The following ADGRG5 variants were observed in gnomAD, a reference collection of about 807,000 sequenced individuals.
ADGRG5 encodes the protein G protein-coupled receptor 114.
In ADGRG5, 37 loss-of-function variants were observed where a neutral mutation model predicts 53.2. That is an observed-to-expected ratio of 0.70 (90% CI 0.53 to 0.91). The LOEUF is 0.91. Among genes scored for constraint, ADGRG5 ranks in the 40% least tolerant of loss-of-function variants. The pLI, the probability that ADGRG5 is intolerant of heterozygous loss-of-function variation, is 0.00. For missense variants in ADGRG5, 614 were observed against 675.8 expected (o/e 0.91, Z 1.01); for synonymous variants, 277 against 290.4 (o/e 0.95, Z 0.47).
In ADGRG5 at chr16:57,563,945, T is replaced by C. The variant is rs778507357; in HGVS notation, c.395T>C (p.Ile132Thr). Residue 132 changes from isoleucine to threonine, a missense_variant, in exon 5 of 12, where the codon ATC (isoleucine) becomes ACC (threonine). Transcript: ENST00000349457. ...ACCCGCCCCAGGGAGCTGCGGCTCATCTGTATCTACTTCTCCAACACCCAC... is the reference window on the plus strand; with the variant it reads ...ACCCGCCCCAGGGAGCTGCGGCTCACCTGTATCTACTTCTCCAACACCCAC... The part of the protein sequence containing the change: ...CKTRPRELRL[I>T]CIYFSNTHFF... 8.7e-6 allele frequency: 14 copies of C among 1,614,016 alleles called. No individual in the cohort carries two copies. The Admixed American group carries it at 2.3e-4, about 27-fold the overall frequency.
chr16:57,539,595 G>A (rs935700509), upstream of ADGRG5, among the ~76,000 whole-genome samples: 5 of 151,356 alleles, frequency 3.3e-5, no homozygotes, highest in Admixed American at 1.3e-4. Context: ...TGGATCTACA[G>A]GGGCACGTTA....
intron 8 of ADGRG5, 47 bp downstream of exon 8, chr16:57,567,638 C>T: frequency 6.3e-7 from 1 of 1,594,492 alleles, no homozygotes; most frequent in Non-Finnish European, 8.5e-7. Flanking sequence ...TGTGGCACAT[C>T]ACGCTTCCTT....
intron 1 of ADGRG5, among the ~76,000 whole-genome samples, chr16:57,545,852 G>A (rs2146751576): frequency 6.6e-6 from 1 of 152,210 alleles, no homozygotes; most frequent in South Asian, 2.1e-4. Context: ...TTGAGACAGA[G>A]TCTTGCTCTG....
At chr16:57,566,937 C>T (rs1472191578) in intron 7 of ADGRG5, among the ~76,000 whole-genome samples, 186 bp downstream of exon 7, 1 of 152,202 alleles carries the variant, frequency 6.6e-6, no homozygotes, top group African/African-American at 2.4e-5. Context: ...ATGGCTTGAT[C>T]CACGGGCTGA....
At chr16:57,531,439 A>G in the ADGRG5 span, among the ~76,000 whole-genome samples, 1 of 151,966 alleles carries the variant, frequency 6.6e-6, no homozygotes, top group Non-Finnish European at 1.5e-5. Context: ...CTAACCTGTC[A>G]GGGTCCACAC....
chr16:57,529,473 A>C, the ADGRG5 span: 14 of 184,140 alleles, frequency 7.6e-5, no homozygotes, highest in South Asian at 2.7e-3. The surrounding 1 kb of genome is among the most constrained non-coding windows in gnomAD (Gnocchi z 4.1). Context: ...GGATTGGTGG[A>C]GCAAGGGCCC....
chr16:57,566,762 A>G lies in ADGRG5; in HGVS notation c.699+11A>G. 6.8e-7 allele frequency: 1 copy of G among 1,464,876 alleles called. No homozygotes were observed. The highest frequency in any genetic ancestry group is 9.1e-7 in the Non-Finnish European group (1 of 1,104,216). 90.7% of individuals were successfully genotyped at this position (1,464,876 alleles called of 1,614,324 possible). ...TTTGCTGTTCTCATGGTATGTATGCATCCTGAGTGGGGCTCAGAGCTACAG... is the reference window on the plus strand; with the variant it reads ...TTTGCTGTTCTCATGGTATGTATGCGTCCTGAGTGGGGCTCAGAGCTACAG... On this transcript the variant is annotated intron_variant, in intron 7 of 11. Transcript: ENST00000349457.
chr16:57,552,865 C>G (rs909297430), intron 1 of ADGRG5, among the ~76,000 whole-genome samples: 2 of 152,086 alleles, frequency 1.3e-5, no homozygotes, highest in African/African-American at 4.8e-5. Flanking sequence ...ACTCTTTCTT[C>G]TACTTGAACA....
upstream of ADGRG5, among the ~76,000 whole-genome samples, chr16:57,539,049 A>C (rs1359935309): frequency 6.6e-6 from 1 of 152,240 alleles, no homozygotes; most frequent in African/African-American, 2.4e-5. Flanking sequence ...CATTATTCAC[A>C]ATAGCTGAAA....
chr16:57,531,328 C>T, the ADGRG5 span, among the ~76,000 whole-genome samples: 1 of 151,998 alleles, frequency 6.6e-6, no homozygotes, highest in South Asian at 2.1e-4. Flanking sequence ...GCTTTGAAGG[C>T]ACCCTGAAAT....
upstream of ADGRG5, among the ~76,000 whole-genome samples, chr16:57,539,757 A>C (rs1255745830): frequency 6.6e-6 from 1 of 150,602 alleles, no homozygotes; most frequent in African/African-American, 2.5e-5. Context: ...ACCTGGTCTG[A>C]ATCTACACTT....
At chr16:57,565,189 C>A in intron 6 of ADGRG5, 39 bp downstream of exon 6, 1 of 1,230,774 alleles carries the variant, frequency 8.1e-7, no homozygotes, top group Non-Finnish European at 1.2e-6. Context: ...TGCACCCCTG[C>A]CCCTCTGTGA....
Position 57,570,544 on chromosome 16 carries a change from C to T in ADGRG5, c.1208+9C>T. The T allele has an allele frequency of 6.3e-7, 1 of 1,597,004 alleles. No homozygotes were observed. The highest frequency in any genetic ancestry group is 8.6e-7 in the Non-Finnish European group (1 of 1,165,374). On this transcript the variant is annotated intron_variant, in intron 10 of 11. Transcript: ENST00000349457. ...TTCCAGAACATGTCCATGTGAGTGCCCTCAGGGCTGCAGTGGGCTCCCTGG... is the reference window on the plus strand; with the variant it reads ...TTCCAGAACATGTCCATGTGAGTGCTCTCAGGGCTGCAGTGGGCTCCCTGG...
At chr16:57,556,717 T>G (rs995450108) in intron 1 of ADGRG5, among the ~76,000 whole-genome samples, 10 of 152,174 alleles carry the variant, frequency 6.6e-5, no homozygotes, top group Non-Finnish European at 8.8e-5. Context: ...ACCAAGGTAA[T>G]TTATTTTATA....
chr16:57,532,648 A>G, the ADGRG5 span, among the ~76,000 whole-genome samples: 5 of 152,152 alleles, frequency 3.3e-5, no homozygotes, highest in South Asian at 1.0e-3. Flanking sequence ...GCACACTGAC[A>G]CACAGGTACA....
rs141993974 is a variant in ADGRG5 at position 57,575,373 on chromosome 16, C to G, written c.1487-65C>G. On this transcript the variant is annotated intron_variant, in intron 11 of 11. Transcript: ENST00000349457. ...CCCAGGGAGGCCAGCTCGCTGCAGC[C>G]AAGGAGACCCTGGCCTTTGGGGAAG... 521 of 1,486,948 alleles carry G rather than the reference C, an allele frequency of 3.5e-4. 3 individuals are homozygous for G. The African/African-American group carries it at 6.6e-3, about 19-fold the overall frequency. The allele number at this position is 1,486,948 out of a possible 1,614,324, so 92.1% of individuals were successfully genotyped here.
At chr16:57,538,987 A>G (rs148057007), upstream of ADGRG5, among the ~76,000 whole-genome samples, 499 of 152,326 alleles carry the variant, frequency 3.3e-3, 1 homozygote, top group African/African-American at 0.012. Context: ...CTAGCTAGAA[A>G]CGTTCTCTTT....
chr16:57,567,623 T>C, intron 8 of ADGRG5, 32 bp downstream of exon 8: 2 of 1,594,892 alleles, frequency 1.3e-6, no homozygotes, highest in Non-Finnish European at 1.7e-6. Flanking sequence ...GGGCCTGCCC[T>C]GCACTGTGGC....
intron 10 of ADGRG5, among the ~76,000 whole-genome samples, chr16:57,572,673 A>G (rs923432876): frequency 7.2e-5 from 11 of 152,234 alleles, no homozygotes; most frequent in African/African-American, 1.2e-4. Flanking sequence ...GCCTGGAGAC[A>G]GAGCGAGACT....
Sources: gnomAD v4.1 joint callset for allele counts (sites outside exome capture counted in the v4.1 genomes callset) on GRCh38, gnomAD v4.1.1 for gene constraint, Gnocchi (gnomAD v3.1) non-coding constraint, MANE v1.5 for transcripts, NCBI Gene and HGNC (gene_info 2026-07-23, HGNC 2026-07-21) for gene names.